The following LRRIQ1 variants were observed in gnomAD, a reference collection of about 807,000 sequenced individuals.
LRRIQ1 encodes leucine rich repeats and IQ motif containing 1, also known as leucine-rich repeat- and IQ domain-containing protein 1.
LRRIQ1 carries 210 observed loss-of-function variants against 211.9 expected under a neutral mutation model. The observed-to-expected ratio is 0.99, with a 90% CI of 0.89 to 1.11. LRRIQ1 has a LOEUF of 1.11. Ranked by LOEUF, LRRIQ1 falls within the 50% of genes most tolerant of loss-of-function variation. The probability of loss-of-function intolerance (pLI) is 0.00; values close to 1 mark genes in which losing one functional copy is unlikely to be tolerated. For missense variants in LRRIQ1, 2,136 were observed against 1,939.5 expected (o/e 1.10, Z -1.90); for synonymous variants, 699 against 650.1 (o/e 1.08, Z -1.14).
intron 24 of LRRIQ1, among the ~76,000 whole-genome samples, chr12:85,195,000 C>T (rs1203067152): frequency 5.3e-5 from 8 of 151,962 alleles, no homozygotes; most frequent in Non-Finnish European, 7.4e-5. Flanking sequence ...ATATCACCAC[C>T]GATCCCACAG....
intron 24 of LRRIQ1, among the ~76,000 whole-genome samples, chr12:85,166,430 T>C (rs985206715): frequency 6.6e-6 from 1 of 152,258 alleles, no homozygotes; most frequent in African/African-American, 2.4e-5. Flanking sequence ...TATAAACATA[T>C]ATTCAAATAT....
intron 24 of LRRIQ1, among the ~76,000 whole-genome samples, chr12:85,196,779 T>A (rs917835016): frequency 6.6e-6 from 1 of 151,562 alleles, no homozygotes; most frequent in African/African-American, 2.4e-5. Flanking sequence ...AAGGACTTCA[T>A]GTCCAAAACA....
intron 23 of LRRIQ1, among the ~76,000 whole-genome samples, chr12:85,158,871 T>A (rs954278051): frequency 6.0e-5 from 9 of 148,848 alleles, no homozygotes; most frequent in Non-Finnish European, 1.2e-4. Flanking sequence ...GCTTTTTTTT[T>A]AACTGGGTTG....
At chr12:85,221,738 G>A (rs980285267) in intron 24 of LRRIQ1, among the ~76,000 whole-genome samples, 1 of 152,134 alleles carries the variant, frequency 6.6e-6, no homozygotes, top group African/African-American at 2.4e-5. Context: ...GATTGAGACA[G>A]GAACCTAACA....
chr12:85,180,589 C>T (rs1267746800), intron 24 of LRRIQ1, among the ~76,000 whole-genome samples: 1 of 151,802 alleles, frequency 6.6e-6, no homozygotes, highest in Admixed American at 6.6e-5. Context: ...TTAATTAACC[C>T]CATACATTTC....
At chr12:85,037,924 A>G (rs940710873) in intron 1 of LRRIQ1, among the ~76,000 whole-genome samples, 3 of 151,912 alleles carry the variant, frequency 2.0e-5, no homozygotes, top group African/African-American at 7.2e-5. Context: ...AATTATATAA[A>G]CATATAAATC....
chr12:85,180,234 G>A (rs1891910094), intron 24 of LRRIQ1, among the ~76,000 whole-genome samples: 1 of 151,776 alleles, frequency 6.6e-6, no homozygotes, highest in Admixed American at 6.6e-5. Flanking sequence ...TATGGACCCT[G>A]AAAAACTTAA....
In LRRIQ1 at chr12:85,056,683, A is replaced by G; in HGVS notation, c.1890A>G (p.Leu630=). Residue 630 remains leucine, a synonymous_variant, in exon 8 of 27, where the codon TTA becomes TTG. Transcript: ENST00000393217. ...AAGATGTAAGAGAAAACGTAATATT[A>G]CAAGAAAAAGAAATTTATTCAAAAT... ...NSKDVRENVI[L]QEKEIYSKSK... 6.2e-7 allele frequency: 1 copy of G among 1,605,980 alleles called. No homozygotes were observed. Among genetic ancestry groups the G allele is most frequent in the Non-Finnish European group, 8.5e-7 (1 of 1,176,868 alleles).
chr12:85,191,099 C>T (rs1478580828), intron 24 of LRRIQ1, among the ~76,000 whole-genome samples: 1 of 151,900 alleles, frequency 6.6e-6, no homozygotes, highest in Non-Finnish European at 1.5e-5. Flanking sequence ...TTCATGTACT[C>T]CGCAAATGTA....
At chr12:85,250,851 T>C (rs1472280705) in intron 1 of LRRIQ1, among the ~76,000 whole-genome samples, 2 of 111,834 alleles carry the variant, frequency 1.8e-5, no homozygotes, top group Non-Finnish European at 3.4e-5. Context: ...ATATTATATA[T>C]AATATATATT....
At chr12:85,212,258 AC>A (rs1310631408) in intron 24 of LRRIQ1, among the ~76,000 whole-genome samples, 1 of 151,996 alleles carries the variant, frequency 6.6e-6, no homozygotes, top group East Asian at 1.9e-4. Flanking sequence ...CTGCACTCCA[AC>A]CTGGGCAACC....
intron 11 of LRRIQ1, among the ~76,000 whole-genome samples, chr12:85,073,361 G>C (rs1883299595): frequency 6.6e-6 from 1 of 151,928 alleles, no homozygotes; most frequent in Non-Finnish European, 1.5e-5. Flanking sequence ...CTTCCATATG[G>C]AAATGCTGAT....
intron 6 of LRRIQ1, among the ~76,000 whole-genome samples, chr12:85,051,007 T>C (rs1937777553): frequency 6.6e-6 from 1 of 152,182 alleles, no homozygotes; most frequent in Admixed American, 6.6e-5. Flanking sequence ...CCCCTTGAAA[T>C]CTCATGGAAT....
chr12:85,131,212 CAA>C (rs111605863), intron 18 of LRRIQ1, among the ~76,000 whole-genome samples: 12 of 127,538 alleles, frequency 9.4e-5, no homozygotes, highest in African/African-American at 8.5e-5. Flanking sequence ...GATTTTGTCT[CAA>C]AAAAAAAAAA....
chr12:85,162,877 T>A, intron 24 of LRRIQ1: 1 of 422,782 alleles, frequency 2.4e-6, no homozygotes, highest in Non-Finnish European at 4.7e-6. Context: ...GCTATAGGTT[T>A]TTGTTGTTGT....
intron 24 of LRRIQ1, among the ~76,000 whole-genome samples, chr12:85,192,919 A>G (rs1471359197): frequency 1.1e-5 from 1 of 95,028 alleles, no homozygotes; most frequent in African/African-American, 4.4e-5. Context: ...ACATAAATAT[A>G]TAATTATATA....
intron 24 of LRRIQ1, among the ~76,000 whole-genome samples, chr12:85,179,731 G>A (rs1291697277): frequency 2.0e-5 from 3 of 151,668 alleles, no homozygotes; most frequent in African/African-American, 4.8e-5. Context: ...CTTTCCATCC[G>A]ACACTTCCAT....
chr12:85,093,022 A>C (rs1225717861), intron 11 of LRRIQ1, among the ~76,000 whole-genome samples: 1 of 152,214 alleles, frequency 6.6e-6, no homozygotes, highest in Admixed American at 6.5e-5. Context: ...GGAGAGGATT[A>C]ATGAGTCACC....
chr12:85,212,928 T>C (rs1015584282), intron 24 of LRRIQ1, among the ~76,000 whole-genome samples: 3 of 150,398 alleles, frequency 2.0e-5, no homozygotes, highest in African/African-American at 7.3e-5. Context: ...CTATCGAATA[T>C]GGAGTCAAGA....
Sources: allele counts gnomAD v4.1 joint callset (sites outside exome capture counted in the v4.1 genomes callset), GRCh38; gene constraint gnomAD v4.1.1; transcripts MANE v1.5; gene names NCBI Gene and HGNC (gene_info 2026-07-23, HGNC 2026-07-21).